The following TANC2 variants were observed in gnomAD, a reference collection of about 807,000 sequenced individuals.
TANC2 encodes the protein protein TANC2.
Under a neutral mutation model 210.5 loss-of-function variants are expected in TANC2, and 26 were observed. The observed-to-expected ratio is 0.12, with a 90% confidence interval of 0.09 to 0.17. The LOEUF is 0.17. TANC2 is among the 10% of genes least tolerant of loss of function. The pLI, the probability that TANC2 is intolerant of heterozygous loss-of-function variation, is 1.00. For missense variants in TANC2, 2,129 were observed against 2,608.9 expected (o/e 0.82, Z 4.01); for synonymous variants, 931 against 967.1 (o/e 0.96, Z 0.69).
intron 11 of TANC2, chr17:63,338,842 A>G (rs2046125438): frequency 6.6e-6 from 1 of 152,130 alleles, no homozygotes; most frequent in Non-Finnish European, 1.5e-5. Context: ...AATGAGAAGG[A>G]TTTCAGGTGT....
intron 19 of TANC2, 65 bp from the exon 20 acceptor site, chr17:63,405,057 G>T (rs552686371): frequency 6.9e-7 from 1 of 1,450,340 alleles, no homozygotes; most frequent in Admixed American, 2.1e-5. Flanking sequence ...GATATGTCAC[G>T]TTTAACATGG....
Position 63,271,158 on chromosome 17 carries a change from T to C in TANC2, c.1159+3285T>C, listed in dbSNP as rs56174726. On this transcript the variant is annotated intron_variant, in intron 9 of 27. Coordinates refer to ENST00000689528, the Ensembl canonical transcript of TANC2. Reference sequence around the variant, plus strand: ...TGCATGTGTCTTTATGATAACAATTTATATTCCTTCGAATATACCCAGTGA... The same window carrying C: ...TGCATGTGTCTTTATGATAACAATTCATATTCCTTCGAATATACCCAGTGA... 2.8e-3 allele frequency among the ~76,000 whole-genome samples: 432 copies of C among 152,294 alleles called. 3 individuals carry two copies. The highest frequency in any genetic ancestry group is 9.8e-3 in the African/African-American group (409 of 41,568).
chr17:63,269,386 C>A (rs1341716640), intron 9 of TANC2, among the ~76,000 whole-genome samples: 1 of 152,088 alleles, frequency 6.6e-6, no homozygotes, highest in South Asian at 2.1e-4. Flanking sequence ...TAAAGTTGAT[C>A]AAGAGACCAA....
intron 9 of TANC2, among the ~76,000 whole-genome samples, chr17:63,312,218 T>C (rs1328667284): frequency 6.6e-6 from 1 of 152,142 alleles, no homozygotes; most frequent in Non-Finnish European, 1.5e-5. Context: ...AGGTATGGAT[T>C]TTAAAAGAGT....
intron 9 of TANC2, among the ~76,000 whole-genome samples, chr17:63,302,537 G>C (rs1287016434): frequency 8.2e-6 from 1 of 121,978 alleles, no homozygotes; most frequent in African/African-American, 3.1e-5. Flanking sequence ...TGCCCCCTTT[G>C]TCTTTTTTGA....
intron 9 of TANC2, among the ~76,000 whole-genome samples, chr17:63,304,280 G>C (rs2146513031): frequency 6.6e-6 from 1 of 152,212 alleles, no homozygotes; most frequent in South Asian, 2.1e-4. Context: ...TGGGTATCTT[G>C]TTGTTGATGC....
intron 8 of TANC2, among the ~76,000 whole-genome samples, chr17:63,242,099 C>A (rs2042789753): frequency 6.6e-6 from 1 of 152,062 alleles, no homozygotes; most frequent in Non-Finnish European, 1.5e-5. Context: ...TTCTCATTTT[C>A]TCTTGACTTC....
chr17:62,971,964 G>A (rs185396054), intron 1 of TANC2, among the ~76,000 whole-genome samples: 17 of 152,320 alleles, frequency 1.1e-4, no homozygotes, highest in Middle Eastern at 3.4e-3. Flanking sequence ...GTTGGGGACC[G>A]CTGTTTCAGA....
chr17:63,291,673 T>C (rs1374422654), intron 9 of TANC2, among the ~76,000 whole-genome samples: 1 of 152,210 alleles, frequency 6.6e-6, no homozygotes, highest in Non-Finnish European at 1.5e-5. Context: ...ACCTAAATTA[T>C]ATGGCTATCA....
At chr17:63,043,667 A>C (rs1330321592) in intron 2 of TANC2, among the ~76,000 whole-genome samples, 1 of 152,156 alleles carries the variant, frequency 6.6e-6, no homozygotes, top group African/African-American at 2.4e-5. Flanking sequence ...CATACATTAT[A>C]TGTATATTCT....
chr17:63,421,409 G>C lies in TANC2; in HGVS notation c.5679G>C (p.Glu1893Asp). The C allele has an allele frequency of 6.2e-7, 1 of 1,613,944 alleles. No homozygotes were observed. The highest frequency in any genetic ancestry group is 8.5e-7 in the Non-Finnish European group (1 of 1,179,884). Residue 1893 changes from glutamate (E) to aspartate (D), a missense_variant, in exon 28 of 28, where the codon GAG becomes GAC. This residue lies in a region of TANC2 where 584 missense variants were observed against 627.3 expected (regional missense o/e 0.93). Coordinates refer to ENST00000689528, the Ensembl canonical transcript of TANC2. The surrounding 1 kb of genome is among the most constrained non-coding windows in gnomAD (Gnocchi z 6.9). Reference sequence around the variant, plus strand: ...CATCTTCTTCCATCCAGCAAATGGAGATCCCACTGAAACCTGCATATGAGA... The same window carrying C: ...CATCTTCTTCCATCCAGCAAATGGACATCCCACTGAAACCTGCATATGAGA...
chr17:63,277,091 T>G (rs992350014), intron 9 of TANC2, among the ~76,000 whole-genome samples: 4 of 152,030 alleles, frequency 2.6e-5, no homozygotes, highest in African/African-American at 9.7e-5. Context: ...GTACTTCAGT[T>G]TTCCTCTCAC....
intron 9 of TANC2, among the ~76,000 whole-genome samples, chr17:63,289,013 C>G (rs562946064): frequency 2.0e-5 from 3 of 152,000 alleles, no homozygotes; most frequent in African/African-American, 7.3e-5. Flanking sequence ...TATCTTACTC[C>G]CCTCTCTTCT....
At chr17:63,416,267 C>A (rs1482054532) in intron 26 of TANC2, among the ~76,000 whole-genome samples, 38 of 152,140 alleles carry the variant, frequency 2.5e-4, no homozygotes, top group Admixed American at 2.5e-3. Flanking sequence ...CCTTGCAGAC[C>A]CATCTCACAT....
intron 3 of TANC2, among the ~76,000 whole-genome samples, chr17:63,097,577 C>CAAA (rs200326011): frequency 8.2e-6 from 1 of 122,116 alleles, no homozygotes. Flanking sequence ...TAAAAAATTG[C>CAAA]AAAAAAAAAA....
chr17:63,385,327 C>T (rs1159407641), intron 15 of TANC2, among the ~76,000 whole-genome samples: 1 of 152,094 alleles, frequency 6.6e-6, no homozygotes, highest in Non-Finnish European at 1.5e-5. Context: ...TCTTGAGGCC[C>T]ACACATATTA....
chr17:62,991,763 G>T (rs2032882162), intron 1 of TANC2, among the ~76,000 whole-genome samples: 1 of 152,022 alleles, frequency 6.6e-6, no homozygotes, highest in South Asian at 2.1e-4. Context: ...GCAAAAACAA[G>T]TGAAATGATG....
At chr17:63,146,401 C>T (rs576544324) in intron 4 of TANC2, among the ~76,000 whole-genome samples, 1 of 152,056 alleles carries the variant, frequency 6.6e-6, no homozygotes, top group Non-Finnish European at 1.5e-5. Context: ...TTCTTGCCTG[C>T]ACAAACATTT....
chr17:63,123,558 CAAA>C (rs560638545), intron 4 of TANC2, among the ~76,000 whole-genome samples: 1 of 99,930 alleles, frequency 1.0e-5, no homozygotes, highest in Admixed American at 1.1e-4. Flanking sequence ...GATTCTGTCT[CAAA>C]AAAAAAAAAA....
Sources: gnomAD v4.1 joint callset for allele counts (sites outside exome capture counted in the v4.1 genomes callset) on GRCh38, gnomAD v4.1.1 for gene constraint, gnomAD v4.1.1 regional missense constraint, Gnocchi (gnomAD v3.1) non-coding constraint, MANE v1.5 for transcripts, NCBI Gene and HGNC (gene_info 2026-07-23, HGNC 2026-07-21) for gene names.